The following JAZF1 variants were observed in gnomAD, a reference collection of about 807,000 sequenced individuals.
JAZF1 encodes JAZF zinc finger 1, also known as juxtaposed with another zinc finger protein 1.
JAZF1 carries 8 observed loss-of-function variants against 26.4 expected under a neutral mutation model. The ratio of observed to expected loss-of-function variants is 0.30; its 90% CI spans 0.18 to 0.55. JAZF1 has a LOEUF of 0.55. Ranked by LOEUF, JAZF1 falls within the 20% of genes least tolerant of loss-of-function variation. JAZF1 has a pLI of 0.94. For synonymous variants in JAZF1, 126 were observed against 122.3 expected (o/e 1.03, Z -0.20); for missense variants, 199 against 322.0 (o/e 0.62, Z 2.92).
intron 3 of JAZF1, among the ~76,000 whole-genome samples, chr7:27,846,715 G>A (rs908854812): frequency 5.9e-5 from 9 of 152,050 alleles, no homozygotes; most frequent in Non-Finnish European, 8.8e-5. Flanking sequence ...TTAGTGATGC[G>A]CACCTTTTCA....
intron 1 of JAZF1, among the ~76,000 whole-genome samples, chr7:28,119,181 A>T (rs1784797986): frequency 6.6e-6 from 1 of 152,140 alleles, no homozygotes; most frequent in Non-Finnish European, 1.5e-5. Context: ...TCCCATGGCA[A>T]CCTGCAGACC....
chr7:27,854,959 A>C (rs754860156), intron 3 of JAZF1, among the ~76,000 whole-genome samples: 9 of 152,202 alleles, frequency 5.9e-5, no homozygotes, highest in Non-Finnish European at 1.3e-4. Flanking sequence ...AGAGTGTTTT[A>C]CAACTTGGTT....
chr7:27,900,919 C>T (rs188593758), intron 2 of JAZF1, among the ~76,000 whole-genome samples: 142 of 151,408 alleles, frequency 9.4e-4, no homozygotes, highest in Non-Finnish European at 1.7e-3. Flanking sequence ...AATAGAAATC[C>T]GTGTACCTAC....
At position 27,872,464 on chromosome 7, in the gene JAZF1, C is replaced by T. The variant is rs148494917; in HGVS notation, c.385+22756G>A. On this transcript the variant is annotated intron_variant, in intron 3 of 4. Coordinates refer to ENST00000283928, the MANE Select transcript of JAZF1 (RefSeq NM_175061.4). ...AAAACCTGTGCCAGCTGGAATCCTT[C>T]CCCTGTGCTCTGTGGCAAGGGCAGC... is the stretch of plus-strand genomic sequence containing the variant. Among the ~76,000 whole-genome samples the T allele has an allele frequency of 2.7e-3, 415 of 152,276 alleles. 3 individuals carry two copies. The highest frequency in any genetic ancestry group is 9.4e-3 in the African/African-American group (390 of 41,544).
At chr7:27,975,872 T>C (rs1785460139) in intron 2 of JAZF1, among the ~76,000 whole-genome samples, 1 of 152,186 alleles carries the variant, frequency 6.6e-6, no homozygotes, top group South Asian at 2.1e-4. Context: ...GTCCTAAGAA[T>C]GAACTGTAGA....
chr7:28,161,889 C>T (rs1467463373), intron 1 of JAZF1, among the ~76,000 whole-genome samples: 1 of 152,168 alleles, frequency 6.6e-6, no homozygotes, highest in Non-Finnish European at 1.5e-5. Flanking sequence ...CTCCTTAAGG[C>T]TCAGTGTCTT....
intron 3 of JAZF1, among the ~76,000 whole-genome samples, chr7:27,871,002 G>A (rs1783571533): frequency 6.6e-6 from 1 of 152,164 alleles, no homozygotes; most frequent in Admixed American, 6.5e-5. Context: ...GCCACAGTAC[G>A]TATATGTAGA....
chr7:28,147,787 G>C lies in JAZF1; in HGVS notation c.115+32676C>G, dbSNP rs549419429. ...GTGTCAGCTACCTGGGAGTGGGCTG[G>C]GGGGAGGGGGGACAGGGAGGCTGAG... On this transcript the variant is annotated intron_variant, in intron 1 of 4. Coordinates refer to ENST00000283928, the MANE Select transcript of JAZF1 (RefSeq NM_175061.4). Among the ~76,000 whole-genome samples, 3 of 152,016 alleles carry C rather than the reference G, an allele frequency of 2.0e-5. No individual in the cohort carries two copies. In the South Asian group the frequency reaches 6.2e-4, roughly 32 times the overall value.
chr7:28,070,846 A>T (rs1245003769), intron 1 of JAZF1, among the ~76,000 whole-genome samples: 1 of 152,222 alleles, frequency 6.6e-6, no homozygotes, highest in East Asian at 1.9e-4. Context: ...CATTAAGGTC[A>T]TCCAAAATCC....
intron 3 of JAZF1, among the ~76,000 whole-genome samples, chr7:27,850,197 CA>C (rs1412657509): frequency 6.6e-6 from 1 of 152,178 alleles, no homozygotes; most frequent in Non-Finnish European, 1.5e-5. Flanking sequence ...ATAGATTTAT[CA>C]TTATAAATTA....
At position 27,971,438 on chromosome 7, in the gene JAZF1, G is replaced by T. The variant is rs544158593; in HGVS notation, c.188+20471C>A. 3.9e-5 allele frequency among the ~76,000 whole-genome samples: 6 copies of T among 152,238 alleles called. No individual in the cohort carries two copies. In the South Asian group the frequency reaches 1.2e-3, roughly 32 times the overall value. ...ATGAGAACAAGTAATTTAGAAACTG[G>T]GAACACAGAGCTATTTTAAAGCTTG... On this transcript the variant is annotated intron_variant, in intron 2 of 4. Transcript: ENST00000283928.
intron 2 of JAZF1, among the ~76,000 whole-genome samples, chr7:27,928,298 T>C (rs909760675): frequency 8.5e-5 from 13 of 152,246 alleles, no homozygotes; most frequent in African/African-American, 3.1e-4. Flanking sequence ...AATACAGATA[T>C]AAACACATTT....
chr7:28,145,079 G>C (rs1384376853), intron 1 of JAZF1, among the ~76,000 whole-genome samples: 1 of 152,140 alleles, frequency 6.6e-6, no homozygotes, highest in Non-Finnish European at 1.5e-5. Flanking sequence ...TAGTGAGTTT[G>C]CATCACTGAA....
chr7:28,150,038 T>C (rs1783086509), intron 1 of JAZF1, among the ~76,000 whole-genome samples: 1 of 152,214 alleles, frequency 6.6e-6, no homozygotes, highest in East Asian at 1.9e-4. Flanking sequence ...TCTTTGAAGA[T>C]AGGTTTTCTG....
chr7:28,127,784 C>T (rs572985607), intron 1 of JAZF1, among the ~76,000 whole-genome samples: 8 of 152,198 alleles, frequency 5.3e-5, no homozygotes, highest in East Asian at 1.9e-4. Flanking sequence ...CTTCTTCACA[C>T]GGCAATAGCA....
At chr7:28,124,351 T>C (rs539544824) in intron 1 of JAZF1, among the ~76,000 whole-genome samples, 2 of 152,270 alleles carry the variant, frequency 1.3e-5, no homozygotes, top group South Asian at 4.2e-4. Flanking sequence ...GTGAAAAAAA[T>C]ACATTTCTAC....
chr7:28,154,078 G>C (rs1218861667), intron 1 of JAZF1, among the ~76,000 whole-genome samples: 3 of 152,122 alleles, frequency 2.0e-5, no homozygotes, highest in Non-Finnish European at 2.9e-5. Context: ...CATGAAGATG[G>C]CCCCTAACAA....
At chr7:28,005,422 A>C (rs1287855314) in intron 1 of JAZF1, among the ~76,000 whole-genome samples, 4 of 152,184 alleles carry the variant, frequency 2.6e-5, no homozygotes, top group Admixed American at 2.6e-4. Context: ...CTTAAAAAAA[A>C]AAAAAAAAGT....
intron 1 of JAZF1, among the ~76,000 whole-genome samples, chr7:27,999,967 C>T (rs546201606): frequency 1.3e-5 from 2 of 152,250 alleles, no homozygotes; most frequent in South Asian, 4.1e-4. Context: ...GGACAGAGGG[C>T]AGACAGGGCT....
Sources: gnomAD v4.1 joint callset for allele counts (sites outside exome capture counted in the v4.1 genomes callset) on GRCh38, gnomAD v4.1.1 for gene constraint, MANE v1.5 for transcripts, NCBI Gene and HGNC (gene_info 2026-07-23, HGNC 2026-07-21) for gene names.